Variants in SESN1 observed in about 807,000 individuals in gnomAD.
The protein encoded by SESN1 is sestrin 1, also known as sestrin-1.
A neutral mutation model predicts 59.3 loss-of-function variants in SESN1; 30 were observed. That is an observed-to-expected ratio of 0.51 (90% CI 0.38 to 0.69). The LOEUF is 0.69. Ranked by LOEUF, SESN1 falls within the 30% of genes least tolerant of loss-of-function variation. The probability of loss-of-function intolerance (pLI) is 0.00; values close to 1 mark genes in which losing one functional copy is unlikely to be tolerated. For synonymous variants in SESN1, 197 were observed against 219.9 expected (o/e 0.90, Z 0.92); for missense variants, 566 against 673.0 (o/e 0.84, Z 1.76).
intron 1 of SESN1, among the ~76,000 whole-genome samples, chr6:109,066,376 G>A (rs1780826448): frequency 6.6e-6 from 1 of 151,522 alleles, no homozygotes; most frequent in Non-Finnish European, 1.5e-5. Context: ...TAGGGGAAGA[G>A]GGTTATTATT....
At chr6:109,045,745 CTTACTAGTATATACCA>C (rs1485999786) in intron 1 of SESN1, among the ~76,000 whole-genome samples, 1 of 152,202 alleles carries the variant, frequency 6.6e-6, no homozygotes, top group African/African-American at 2.4e-5. Flanking sequence ...TTGCATGGCA[CTTACTAGTATATACCA>C]TAACTGCCTG....
chr6:108,998,871 A>C, intron 4 of SESN1, 116 bp from the exon 5 acceptor site: 3 of 1,253,524 alleles, frequency 2.4e-6, no homozygotes, highest in Non-Finnish European at 3.2e-6. Flanking sequence ...GCCTAGCATA[A>C]AATTATCATT....
At chr6:109,047,685 G>A (rs1434960083) in intron 1 of SESN1, among the ~76,000 whole-genome samples, 106 of 146,846 alleles carry the variant, frequency 7.2e-4, no homozygotes, top group African/African-American at 2.5e-3. Context: ...TTGAGAAATC[G>A]GATGGTTGCC....
chr6:109,075,461 C>T lies in SESN1; in HGVS notation c.279+18334G>A, dbSNP rs908830894. The stretch of plus-strand genomic sequence containing the variant: ...TTTCTGTCTTGCTGGCACTCTTTCT[C>T]AGGCTAATACTCTCTCCAGCTCCTC... On this transcript the variant is annotated intron_variant, in intron 1 of 9. Transcript: ENST00000436639. 6.6e-5 allele frequency among the ~76,000 whole-genome samples: 10 copies of T among 152,306 alleles called. No homozygotes were observed. The East Asian group carries it at 1.9e-3, about 29-fold the overall frequency.
chr6:109,051,561 TA>T (rs1163481221), intron 1 of SESN1, among the ~76,000 whole-genome samples: 3 of 152,188 alleles, frequency 2.0e-5, no homozygotes, highest in African/African-American at 4.8e-5. Flanking sequence ...GAAAAACACT[TA>T]AAAGCTTGTA....
At chr6:109,054,088 G>A (rs899130788) in intron 1 of SESN1, among the ~76,000 whole-genome samples, 1 of 151,838 alleles carries the variant, frequency 6.6e-6, no homozygotes, top group African/African-American at 2.4e-5. Flanking sequence ...ATTTTTTGGG[G>A]GGGGAGGGAT....
chr6:109,009,519 G>C (rs1180007552), intron 1 of SESN1: 1 of 1,190,174 alleles, frequency 8.4e-7, no homozygotes, highest in Admixed American at 4.5e-5. Flanking sequence ...AGCCGGCCGC[G>C]GCTCCTGGCT....
rs201144614 is a variant in SESN1 at position 109,024,119 on chromosome 6, T to TA, written c.280-21777dup. Among the ~76,000 whole-genome samples, 1,162 of 151,922 alleles carry TA rather than the reference T, an allele frequency of 7.6e-3. 21 individuals are homozygous for TA. Among genetic ancestry groups the TA allele is most frequent in the African/African-American group, 0.027 (1,108 of 41,450 alleles). On this transcript the variant is annotated intron_variant, in intron 1 of 9. Coordinates refer to ENST00000436639, the MANE Select transcript of SESN1 (RefSeq NM_014454.3). ...ACAATCTCATGAATCTAGAACAAAT[T>TA]AAAAAAAAGATGTAAAATAGATGTC...
chr6:109,057,476 T>G (rs1309077731), intron 1 of SESN1, among the ~76,000 whole-genome samples: 1 of 152,182 alleles, frequency 6.6e-6, no homozygotes, highest in Admixed American at 6.5e-5. Context: ...ATAGTAGGGT[T>G]TTTTTGTTAT....
At chr6:109,064,463 T>C (rs1308479058) in intron 1 of SESN1, among the ~76,000 whole-genome samples, 1 of 150,066 alleles carries the variant, frequency 6.7e-6, no homozygotes, top group Non-Finnish European at 1.5e-5. Context: ...TTTAGGACAG[T>C]ATGTGCTTTA....
chr6:109,022,072 T>C (rs1310855077), intron 1 of SESN1, among the ~76,000 whole-genome samples: 4 of 152,002 alleles, frequency 2.6e-5, no homozygotes, highest in Non-Finnish European at 4.4e-5. Context: ...CTTCCCAGTA[T>C]ATATTTTTTG....
At chr6:109,029,954 CA>C (rs1445843385) in intron 1 of SESN1, among the ~76,000 whole-genome samples, 1 of 152,198 alleles carries the variant, frequency 6.6e-6, no homozygotes, top group African/African-American at 2.4e-5. Flanking sequence ...GGTTCTTAGA[CA>C]TTATTAACAT....
intron 1 of SESN1, among the ~76,000 whole-genome samples, chr6:109,037,346 C>T (rs1260766812): frequency 6.6e-6 from 1 of 152,114 alleles, no homozygotes; most frequent in Non-Finnish European, 1.5e-5. Context: ...GTTTTTATTT[C>T]ACCTAGGAAA....
rs543936610 is a variant in SESN1, at chr6:109,009,266, A to C, written c.280-6923T>G. ...ATGCTGACCGGGAGCGACTGTGAGG[A>C]GGCAACGTGACCTCCGTGTTGCACA... On this transcript the variant is annotated intron_variant, in intron 1 of 9. Transcript: ENST00000436639. 6.1e-6 allele frequency: 7 copies of C among 1,149,880 alleles called. No homozygotes were observed. In the South Asian group the frequency reaches 1.5e-4, roughly 24 times the overall value. 71.2% of individuals were successfully genotyped at this position (1,149,880 alleles called of 1,614,324 possible).
intron 1 of SESN1, among the ~76,000 whole-genome samples, chr6:109,059,787 C>T (rs754862225): frequency 1.6e-4 from 25 of 152,074 alleles, no homozygotes; most frequent in Non-Finnish European, 3.1e-4. Context: ...CTGCCCCTAC[C>T]GGCCCTTCCA....
chr6:109,006,069 C>T (rs1252860705), intron 1 of SESN1, among the ~76,000 whole-genome samples: 1 of 152,112 alleles, frequency 6.6e-6, no homozygotes, highest in African/African-American at 2.4e-5. Flanking sequence ...TAATAAATAG[C>T]AATAGCAGCA....
intron 1 of SESN1, among the ~76,000 whole-genome samples, chr6:109,040,747 G>T (rs1287056050): frequency 6.6e-6 from 1 of 151,424 alleles, no homozygotes; most frequent in Admixed American, 6.6e-5. Context: ...CTGCCTCCTG[G>T]GTTCAAGCGA....
At chr6:109,083,127 TA>T (rs538444586) in intron 1 of SESN1, among the ~76,000 whole-genome samples, 212 of 152,360 alleles carry the variant, frequency 1.4e-3, no homozygotes, top group Middle Eastern at 3.4e-3. Context: ...TGTCATCTCT[TA>T]ATTTTTAGAA....
chr6:109,092,407 G>A (rs1165132590), intron 1 of SESN1, among the ~76,000 whole-genome samples: 1 of 152,164 alleles, frequency 6.6e-6, no homozygotes, highest in Non-Finnish European at 1.5e-5. Context: ...TTGATACTAT[G>A]CTCCCCAGAG....
Sources: allele counts gnomAD v4.1 joint callset (sites outside exome capture counted in the v4.1 genomes callset), GRCh38; gene constraint gnomAD v4.1.1; transcripts MANE v1.5; gene names NCBI Gene and HGNC (gene_info 2026-07-23, HGNC 2026-07-21).